The following MAN2C1 variants were observed in gnomAD, a reference collection of about 807,000 sequenced individuals.
The protein encoded by MAN2C1 is alpha-mannosidase 2C1.
MAN2C1 carries 111 observed loss-of-function variants against 126.9 expected under a neutral mutation model. The ratio of observed to expected loss-of-function variants is 0.87; its 90% confidence interval spans 0.75 to 1.02. The LOEUF (loss-of-function observed/expected upper bound fraction) is 1.02, where lower values mean the gene tolerates loss of function less well. MAN2C1 is among the 50% of genes least tolerant of loss of function. The pLI, the probability that MAN2C1 is intolerant of heterozygous loss-of-function variation, is 0.00. For missense variants in MAN2C1, 1,363 were observed against 1,364.4 expected, an observed-to-expected ratio of 1.00 and a Z score of 0.02; for synonymous variants, 567 against 561.5, an observed-to-expected ratio of 1.01 and a Z score of -0.14.
In MAN2C1 at chr15:75,360,103, G is replaced by A; in HGVS notation, c.1693C>T (p.Gln565Ter). Residue 565 changes from glutamine (Q) to a stop codon, truncating the protein, a stop_gained, in exon 14 of 26, where the codon CAG becomes TAG. Coordinates refer to ENST00000267978, the MANE Select transcript of MAN2C1 (RefSeq NM_006715.4). LOFTEE classifies it high-confidence loss of function. ...AQFLYPAAQL[Q>*]HLWRLLLLNQ... ...AACTGGGCTGACCTCCAGAGGTGCT[G>A]CAGCTGGGCTGCTGGGTATAGGAAC... 1 of 1,614,018 alleles carries A rather than the reference G, an allele frequency of 6.2e-7. No homozygotes were observed. The highest frequency in any genetic ancestry group is 8.5e-7 in the Non-Finnish European group (1 of 1,180,014).
In MAN2C1 at chr15:75,361,764, G is replaced by C; in HGVS notation, c.1102-44C>G. 6.3e-7 allele frequency: 1 copy of C among 1,595,644 alleles called. No individual in the cohort carries two copies. The highest frequency in any genetic ancestry group is 1.3e-5 in the African/African-American group (1 of 74,638). ...CTGGAGTGCAGGAACCAGAGCTCCA[G>C]GCGGACTCACCCCAGCCTCAGCCCC... On this transcript the variant is annotated intron_variant, in intron 9 of 25. Coordinates refer to ENST00000267978, the MANE Select transcript of MAN2C1 (RefSeq NM_006715.4). The surrounding 1 kb of genome is among the most constrained non-coding windows in gnomAD (Gnocchi z 5.0).
rs2072481557 is a variant in MAN2C1, at chr15:75,362,054, A to G, written c.1009-107T>C. 1.0e-5 allele frequency: 9 copies of G among 869,114 alleles called. No homozygotes were observed. The highest frequency in any genetic ancestry group is 2.4e-5 in the East Asian group (1 of 41,126). The allele number at this position is 869,114 out of a possible 1,614,324, so 53.8% of individuals were successfully genotyped here. A position where few individuals can be genotyped will look rare whatever the true frequency, so the allele number is the denominator to read the frequency against. ...CAGGAGAAGCCAGGGCTGCTCAAAC[A>G]TGGGAGTTACAGCCAGAACTCAGGA... On this transcript the variant is annotated intron_variant, in intron 8 of 25. Coordinates refer to ENST00000267978, the MANE Select transcript of MAN2C1 (RefSeq NM_006715.4). The surrounding 1 kb of genome is among the most constrained non-coding windows in gnomAD (Gnocchi z 4.5).
chr15:75,356,710 G>C lies in MAN2C1; in HGVS notation c.2658-25C>G. 2 of 1,610,622 alleles carry C rather than the reference G, an allele frequency of 1.2e-6. No homozygotes were observed. Among genetic ancestry groups the C allele is most frequent in the Non-Finnish European group, 1.7e-6 (2 of 1,178,534 alleles). ...GCTGGGGTGAGGAGGGCGCGTAGGG[G>C]CCACGCTGAAGCTGTTGGAGTTGTG... On this transcript the variant is annotated intron_variant, in intron 22 of 25. Transcript: ENST00000267978. The surrounding 1 kb of genome is among the most constrained non-coding windows in gnomAD (Gnocchi z 5.8).
Position 75,362,375 on chromosome 15 carries a change from A to G in MAN2C1, c.976T>C (p.Phe326Leu). 6.2e-7 allele frequency: 1 copy of G among 1,613,948 alleles called. No homozygotes were observed. Among genetic ancestry groups the G allele is most frequent in the Non-Finnish European group, 8.5e-7 (1 of 1,180,008 alleles). The stretch of plus-strand genomic sequence containing the variant: ...ACCCAGGTGCCCCCCACAGGCACAA[A>G]CTGCCCACGGCACGCAAACTCCTGG... ...RIQEFACRGQFVPVGGTWVEM... is the reference protein window; with the variant it reads ...RIQEFACRGQLVPVGGTWVEM... Residue 326 changes from phenylalanine to leucine, a missense_variant, in exon 8 of 26, where the codon TTT becomes CTT. Around this residue, in one of 3 missense-constraint regions of MAN2C1, gnomAD observed 628 missense variants for 609.8 expected, o/e 1.03. Coordinates refer to ENST00000267978, the MANE Select transcript of MAN2C1 (RefSeq NM_006715.4). This position sits in a 1 kb window ranked among gnomAD's most constrained non-coding sequence, Gnocchi z 4.5.
At chr15:75,360,539 G>A in intron 13 of MAN2C1, 26 bp downstream of exon 13, 1 of 1,611,646 alleles carries the variant, frequency 6.2e-7, no homozygotes, top group East Asian at 2.2e-5. Flanking sequence ...CACCCTCCCT[G>A]CACAGCCCTG....
In MAN2C1 at chr15:75,362,517, T is replaced by C. The variant is rs1444587778; in HGVS notation, c.898-64A>G. 8 of 1,514,096 alleles carry C rather than the reference T, an allele frequency of 5.3e-6. No homozygotes were observed. The highest frequency in any genetic ancestry group is 3.8e-5 in the Admixed American group (2 of 53,204). 93.8% of individuals were successfully genotyped at this position (1,514,096 alleles called of 1,614,324 possible). ...AGGGCCCCACCCAGGACTGAGCATA[T>C]GGGACTCAGTGTGTGGCTGAGGGTG... On this transcript the variant is annotated intron_variant, in intron 7 of 25. Transcript: ENST00000267978. This position sits in a 1 kb window ranked among gnomAD's most constrained non-coding sequence, Gnocchi z 4.5.
In MAN2C1 at chr15:75,355,832, C is replaced by T; in HGVS notation, c.*74G>A. On this transcript the variant is annotated 3_prime_UTR_variant, in exon 26 of 26. Transcript: ENST00000267978. Reference sequence around the variant, plus strand: ...TTTATTCCACAAGAAAAGACTGATCCCTGCTTTAGGCTGGGGAAGCAGAAA... The same window carrying T: ...TTTATTCCACAAGAAAAGACTGATCTCTGCTTTAGGCTGGGGAAGCAGAAA... 6.4e-7 allele frequency: 1 copy of T among 1,566,738 alleles called. No individual in the cohort carries two copies. Among genetic ancestry groups the T allele is most frequent in the Non-Finnish European group, 8.7e-7 (1 of 1,144,336 alleles).
At chr15:75,366,081 C>T (rs192336070) in intron 4 of MAN2C1, 347 of 312,686 alleles carry the variant, frequency 1.1e-3, no homozygotes, top group Admixed American at 2.1e-3. Context: ...AGGGAGACTT[C>T]GTCTCAAAAA....
rs142008270 is a variant in MAN2C1, at chr15:75,358,290, G to A, written c.2458C>T (p.Arg820Trp). 2.6e-4 allele frequency: 424 copies of A among 1,614,152 alleles called. 4 individuals carry two copies. In the African/African-American group the frequency reaches 3.1e-3, roughly 12 times the overall value. ...ATCTCATAGGTGGCCTGGGAACTCCGCACGCGAGCAGGGAACTCCACCTTC... is the reference window on the plus strand; with the variant it reads ...ATCTCATAGGTGGCCTGGGAACTCCACACGCGAGCAGGGAACTCCACCTTC... ...FLKVEFPARV[R>W]SSQATYEIQF... The change falls in exon 21 of 26, where the codon CGG (arginine) becomes TGG (tryptophan). Residue 820 changes from arginine (R) to tryptophan (W), a missense_variant. Arg to Trp is a moderately radical substitution (Grantham distance 101). This residue lies in a region of MAN2C1 where 668 missense variants were observed against 650.1 expected (regional missense o/e 1.03). Coordinates refer to ENST00000267978, the MANE Select transcript of MAN2C1 (RefSeq NM_006715.4).
At chr15:75,357,946 C>T (rs768892067) in intron 21 of MAN2C1, 84 of 431,822 alleles carry the variant, frequency 1.9e-4, no homozygotes, top group African/African-American at 1.5e-3. Flanking sequence ...GTAGAGATGG[C>T]GTTTCACCAT....
Position 75,356,317 on chromosome 15 carries a change from A to T in MAN2C1, c.2870T>A (p.Leu957Ter). 6.2e-7 allele frequency: 1 copy of T among 1,612,544 alleles called. No homozygotes were observed. The highest frequency in any genetic ancestry group is 8.5e-7 in the Non-Finnish European group (1 of 1,179,458). Residue 957 changes from leucine (L) to a stop codon, truncating the protein, a stop_gained, in exon 24 of 26, where the codon TTG becomes TAG. Coordinates refer to ENST00000267978, the MANE Select transcript of MAN2C1 (RefSeq NM_006715.4). LOFTEE classifies it high-confidence loss of function. This position sits in a 1 kb window ranked among gnomAD's most constrained non-coding sequence, Gnocchi z 5.8. ...AFSVSSPAVV[L>*]ETVKQAESSP... is the part of the protein sequence containing the mutation. The stretch of plus-strand genomic sequence containing the variant: ...ACCCCTTGCCTGCTTGACGGTCTCC[A>T]ATACGACCGCGGGTGAAGACACGGA...
At chr15:75,368,368 C>G (rs1050877497) in intron 1 of MAN2C1, 115 bp downstream of exon 1, 188 of 1,394,090 alleles carry the variant, frequency 1.3e-4, no homozygotes, top group Non-Finnish European at 1.8e-4. Context: ...CTGCCCTGCC[C>G]GCGGCGGGCA....
chr15:75,357,197 G>A (rs985850575), intron 21 of MAN2C1: 15 of 336,016 alleles, frequency 4.5e-5, no homozygotes, highest in Non-Finnish European at 7.8e-5. Flanking sequence ...AGGCTGGAGT[G>A]CAGTGGCTTG....
chr15:75,361,436 G>C lies in MAN2C1; in HGVS notation c.1219-55C>G, dbSNP rs1186662401. On this transcript the variant is annotated intron_variant, in intron 10 of 25. Coordinates refer to ENST00000267978, the MANE Select transcript of MAN2C1 (RefSeq NM_006715.4). This position sits in a 1 kb window ranked among gnomAD's most constrained non-coding sequence, Gnocchi z 5.0. ...AGAGGCCAGAGTCAGGGCTGAGGCA[G>C]AGCCAGGCCTTCCAGACTTGGTCCT... 4 of 1,430,764 alleles carry C rather than the reference G, an allele frequency of 2.8e-6. No individual in the cohort carries two copies. Among genetic ancestry groups the C allele is most frequent in the South Asian group, 2.4e-5 (2 of 84,948 alleles). 88.6% of individuals were successfully genotyped at this position (1,430,764 alleles called of 1,614,324 possible).
chr15:75,363,913 G>C, intron 6 of MAN2C1, 86 bp downstream of exon 6: 1 of 1,443,722 alleles, frequency 6.9e-7, no homozygotes, highest in Non-Finnish European at 9.5e-7. Context: ...AGAACTTGCT[G>C]AGCATCACAC....
In MAN2C1 at chr15:75,368,205, G is replaced by A; in HGVS notation, c.102-7C>T. ...GCAGCTGGCCCCAAAAAGCCTGCGT[G>A]GGACGGGCCGGTGGGCACATGCTGG... On this transcript the variant is annotated splice_polypyrimidine_tract_variant and splice_region_variant and intron_variant, in intron 1 of 25. Coordinates refer to ENST00000267978, the MANE Select transcript of MAN2C1 (RefSeq NM_006715.4). 6.3e-7 allele frequency: 1 copy of A among 1,598,878 alleles called. No homozygotes were observed. The highest frequency in any genetic ancestry group is 8.5e-7 in the Non-Finnish European group (1 of 1,175,578).
chr15:75,363,240 T>C (rs764614980), intron 6 of MAN2C1: 12 of 456,240 alleles, frequency 2.6e-5, no homozygotes, highest in South Asian at 1.9e-4. Flanking sequence ...AGAAAGCCCT[T>C]GTTCTGTGAT....
chr15:75,360,691 G>C lies in MAN2C1; in HGVS notation c.1461-3C>G, dbSNP rs373573161. 3.1e-6 allele frequency: 5 copies of C among 1,613,090 alleles called. No homozygotes were observed. Among genetic ancestry groups the C allele is most frequent in the Non-Finnish European group, 4.2e-6 (5 of 1,179,890 alleles). On this transcript the variant is annotated splice_polypyrimidine_tract_variant and splice_region_variant and intron_variant, in intron 12 of 25. Transcript: ENST00000267978. ...GTCTTGGAGAAGATAGCTGCACCCT[G>C]AGGAGACCACAAGCCTAGGTCTCCC... is the stretch of plus-strand genomic sequence containing the variant.
Position 75,361,523 on chromosome 15 carries a change from C to T in MAN2C1, c.1218+81G>A. 1 of 1,308,310 alleles carries T rather than the reference C, an allele frequency of 7.6e-7. No individual in the cohort carries two copies. The highest frequency in any genetic ancestry group is 1.7e-5 in the Admixed American group (1 of 59,500). 81.0% of individuals were successfully genotyped at this position (1,308,310 alleles called of 1,614,324 possible). ...TGAGGGTTTGGTGGTCTGTCTAGGA[C>T]CCCACAATAAGGGGGAGAGGCAAAT... On this transcript the variant is annotated intron_variant, in intron 10 of 25. Transcript: ENST00000267978. The surrounding 1 kb of genome is among the most constrained non-coding windows in gnomAD (Gnocchi z 5.0).
Sources: allele counts gnomAD v4.1 joint callset, GRCh38; gene constraint gnomAD v4.1.1; regional missense constraint gnomAD v4.1.1; non-coding constraint Gnocchi (gnomAD v3.1); transcripts MANE v1.5; gene names NCBI Gene and HGNC (gene_info 2026-07-23, HGNC 2026-07-21).